Variants in LMLN observed in about 807,000 individuals in gnomAD.
The protein encoded by LMLN is leishmanolysin like peptidase.
Under a neutral mutation model 92.3 loss-of-function variants are expected in LMLN, and 70 were observed. The ratio of observed to expected loss-of-function variants is 0.76; its 90% CI spans 0.63 to 0.92. LMLN has a LOEUF of 0.92. Ranked by LOEUF, LMLN falls within the 40% of genes least tolerant of loss-of-function variation. The pLI is 0.00. For synonymous variants in LMLN, 308 were observed against 296.2 expected (o/e 1.04, Z -0.41); for missense variants, 691 against 814.6 (o/e 0.85, Z 1.85).
At chr3:198,017,138 A>G (rs183182525) in intron 11 of LMLN, among the ~76,000 whole-genome samples, 10 of 149,766 alleles carry the variant, frequency 6.7e-5, no homozygotes, top group East Asian at 5.9e-4. Flanking sequence ...ATCGACAAGG[A>G]AAAAAAAAAC....
intron 14 of LMLN, among the ~76,000 whole-genome samples, chr3:198,026,404 C>T (rs959190142): frequency 2.0e-5 from 3 of 152,112 alleles, no homozygotes; most frequent in African/African-American, 7.2e-5. Context: ...CTGCAACCTC[C>T]ACCTCCCGGT....
At chr3:197,985,253 T>G (rs1341751264) in intron 7 of LMLN, among the ~76,000 whole-genome samples, 1 of 152,050 alleles carries the variant, frequency 6.6e-6, no homozygotes, top group Non-Finnish European at 1.5e-5. Context: ...AGCTGATAGC[T>G]TCTCAAAAAA....
chr3:197,984,202 A>ATAC (rs1181699183), intron 7 of LMLN, among the ~76,000 whole-genome samples, 154 bp downstream of exon 7: 8 of 152,070 alleles, frequency 5.3e-5, no homozygotes, highest in Admixed American at 1.3e-4. Flanking sequence ...AATAATAATA[A>ATAC]TAAAAAATTC....
At chr3:197,966,248 G>T (rs1721057492) in intron 1 of LMLN, among the ~76,000 whole-genome samples, 1 of 152,112 alleles carries the variant, frequency 6.6e-6, no homozygotes, top group African/African-American at 2.4e-5. Context: ...CGCCATGTTA[G>T]CCAGGCTAGT....
At chr3:198,023,813 G>A (rs1298294380) in intron 13 of LMLN, among the ~76,000 whole-genome samples, 2 of 152,184 alleles carry the variant, frequency 1.3e-5, no homozygotes, top group African/African-American at 4.8e-5. Flanking sequence ...ATCTTACTAG[G>A]TTGGTGGAAG....
intron 11 of LMLN, among the ~76,000 whole-genome samples, chr3:198,006,231 G>A (rs1327250186): frequency 6.6e-6 from 1 of 152,308 alleles, no homozygotes; most frequent in East Asian, 1.9e-4. Context: ...AATTCATCCA[G>A]GTTGTTGTAT....
At chr3:198,011,160 A>C (rs979916717) in intron 11 of LMLN, among the ~76,000 whole-genome samples, 1 of 152,208 alleles carries the variant, frequency 6.6e-6, no homozygotes, top group African/African-American at 2.4e-5. Flanking sequence ...TTTAGGGTAC[A>C]TGTGCACAAC....
chr3:197,978,048 G>A (rs1006267826), intron 5 of LMLN, among the ~76,000 whole-genome samples: 21 of 151,752 alleles, frequency 1.4e-4, no homozygotes, highest in African/African-American at 5.1e-4. Flanking sequence ...GTATACACAC[G>A]TTAAATCTGG....
chr3:198,041,380 A>T (rs1723399766), exon 16 of LMLN: 1 of 152,246 alleles, frequency 6.6e-6, no homozygotes, highest in African/African-American at 2.4e-5. Context: ...AAAATTCCAC[A>T]TACAAGTACT....
chr3:197,966,901 C>T (rs1163263593), intron 1 of LMLN, among the ~76,000 whole-genome samples: 1 of 152,058 alleles, frequency 6.6e-6, no homozygotes, highest in African/African-American at 2.4e-5. Context: ...TTAAGCAGTC[C>T]TCCTGCCTCA....
At chr3:197,964,428 T>C (rs952137947) in intron 1 of LMLN, among the ~76,000 whole-genome samples, 2 of 149,896 alleles carry the variant, frequency 1.3e-5, no homozygotes, top group African/African-American at 4.9e-5. Context: ...TGAGACAGAG[T>C]CTTGCTCTGT....
intron 13 of LMLN, among the ~76,000 whole-genome samples, chr3:198,022,133 G>T (rs577662753): frequency 8.5e-5 from 13 of 152,266 alleles, no homozygotes; most frequent in Admixed American, 7.2e-4. Flanking sequence ...CTCTTGTGGG[G>T]AATGTGCATT....
chr3:198,036,851 T>C (rs556929176), intron 15 of LMLN, among the ~76,000 whole-genome samples: 1 of 152,324 alleles, frequency 6.6e-6, no homozygotes, highest in South Asian at 2.1e-4. Flanking sequence ...ACAATAAAAA[T>C]CTTATGCAAT....
At chr3:197,997,376 C>T (rs1722056735) in intron 10 of LMLN, among the ~76,000 whole-genome samples, 1 of 152,176 alleles carries the variant, frequency 6.6e-6, no homozygotes, top group South Asian at 2.1e-4. Context: ...TCAAGCAATT[C>T]ACCCGCCTCA....
intron 5 of LMLN, among the ~76,000 whole-genome samples, chr3:197,978,922 G>A (rs1303438994): frequency 1.3e-5 from 2 of 152,080 alleles, no homozygotes; most frequent in Admixed American, 6.6e-5. Context: ...CCTGGAGGCG[G>A]AAGTTGCAGT....
chr3:197,979,897 T>C (rs900367903), intron 5 of LMLN, among the ~76,000 whole-genome samples: 30 of 152,204 alleles, frequency 2.0e-4, no homozygotes, highest in African/African-American at 7.2e-4. Flanking sequence ...TGCATTATAA[T>C]AGGAAATATA....
At chr3:198,039,899 A>G (rs1286229341) in exon 16 of LMLN, 2 of 152,222 alleles carry the variant, frequency 1.3e-5, no homozygotes, top group African/African-American at 4.8e-5. Context: ...TAATGACATG[A>G]AAAAATGTGG....
intron 10 of LMLN, among the ~76,000 whole-genome samples, chr3:197,998,282 A>C (rs1722080967): frequency 6.6e-6 from 1 of 152,212 alleles, no homozygotes. Context: ...CATATACATC[A>C]TGCCTAAAGT....
intron 7 of LMLN, 31 bp downstream of exon 7, chr3:197,984,079 A>G (rs775994517): frequency 9.4e-6 from 13 of 1,386,520 alleles, no homozygotes; most frequent in Admixed American, 3.4e-5. Flanking sequence ...TCTTTCCTTC[A>G]TGCCTTGATT....
Sources: gnomAD v4.1 joint callset for allele counts (sites outside exome capture counted in the v4.1 genomes callset) on GRCh38, gnomAD v4.1.1 for gene constraint, MANE v1.5 for transcripts, NCBI Gene and HGNC (gene_info 2026-07-23, HGNC 2026-07-21) for gene names.